ZNF827: variants seen among roughly 807,000 people sequenced by gnomAD.
ZNF827 encodes the protein zinc finger protein 827.
ZNF827 carries 13 observed loss-of-function variants against 102.4 expected under a neutral mutation model. The observed-to-expected ratio is 0.13, with a 90% CI of 0.08 to 0.20. ZNF827 has a LOEUF of 0.20. ZNF827 is among the 10% of genes least tolerant of loss of function. The pLI, the probability that ZNF827 is intolerant of heterozygous loss-of-function variation, is 1.00. For missense variants in ZNF827, 1,103 were observed against 1,344.4 expected (o/e 0.82, Z 2.81); for synonymous variants, 523 against 536.2 (o/e 0.98, Z 0.34).
At chr4:145,822,278 G>A (rs931862134) in intron 8 of ZNF827, among the ~76,000 whole-genome samples, 1 of 152,218 alleles carries the variant, frequency 6.6e-6, no homozygotes, top group Non-Finnish European at 1.5e-5. Context: ...GTGGGGAGAT[G>A]AGAAGAAATG....
intron 1 of ZNF827, among the ~76,000 whole-genome samples, chr4:145,935,832 A>T (rs1353172971): frequency 6.6e-6 from 1 of 152,138 alleles, no homozygotes; most frequent in Non-Finnish European, 1.5e-5. Flanking sequence ...TAGTCGCAGG[A>T]GGTCAGGGTC....
intron 1 of ZNF827, among the ~76,000 whole-genome samples, chr4:145,938,029 C>T (rs1754358034): frequency 6.6e-6 from 1 of 150,574 alleles, no homozygotes; most frequent in African/African-American, 2.5e-5. Context: ...CTACTCCCCT[C>T]CTCCCTTCTC....
At chr4:145,822,041 G>A (rs1474338488) in intron 8 of ZNF827, among the ~76,000 whole-genome samples, 1 of 152,088 alleles carries the variant, frequency 6.6e-6, no homozygotes, top group Non-Finnish European at 1.5e-5. Context: ...AATAATTTTG[G>A]GACCAGGGAG....
intron 11 of ZNF827, among the ~76,000 whole-genome samples, chr4:145,767,419 T>C (rs1735472592): frequency 1.3e-5 from 2 of 152,156 alleles, no homozygotes; most frequent in African/African-American, 4.8e-5. Flanking sequence ...ATAAGTTTAA[T>C]TGGAATCCCT....
intron 8 of ZNF827, among the ~76,000 whole-genome samples, chr4:145,819,355 C>T (rs558895361): frequency 6.6e-6 from 1 of 152,224 alleles, no homozygotes; most frequent in Admixed American, 6.5e-5. Flanking sequence ...CATAATAACA[C>T]AGAATGGAAG....
At position 145,761,737 on chromosome 4, in the gene ZNF827, C is replaced by G; in HGVS notation, c.*18-139G>C. 2.1e-6 allele frequency: 1 copy of G among 466,660 alleles called. No homozygotes were observed. The highest frequency in any genetic ancestry group is 3.6e-6 in the Non-Finnish European group (1 of 281,420). 28.9% of individuals were successfully genotyped at this position (466,660 alleles called of 1,614,324 possible). A position where few individuals can be genotyped will look rare whatever the true frequency, so the allele number is the denominator to read the frequency against. The stretch of plus-strand genomic sequence containing the variant: ...CCTGCCCAGCCCAGCCCAGCCCTGC[C>G]GCCTCTCAGGGGTGGAACGGCCCTT... On this transcript the variant is annotated intron_variant, in intron 14 of 14. Coordinates refer to ENST00000508784, the MANE Select transcript of ZNF827 (RefSeq NM_001306215.2). This position sits in a 1 kb window ranked among gnomAD's most constrained non-coding sequence, Gnocchi z 6.8.
At chr4:145,792,950 G>A (rs1207974908) in intron 8 of ZNF827, among the ~76,000 whole-genome samples, 2 of 151,970 alleles carry the variant, frequency 1.3e-5, no homozygotes, top group African/African-American at 2.4e-5. Flanking sequence ...TTCTAGTTAC[G>A]TGCCCTGTTA....
chr4:145,827,317 G>A (rs1560968644), intron 7 of ZNF827, among the ~76,000 whole-genome samples: 2 of 152,224 alleles, frequency 1.3e-5, no homozygotes, highest in South Asian at 4.1e-4. Context: ...AGAAGGGGGT[G>A]ATGGAGGGGA....
rs1560894792 is a variant in ZNF827 at position 145,768,913 on chromosome 4, ATAT to A, written c.2861-3178_2861-3176del. Among the ~76,000 whole-genome samples, 174 of 52,934 alleles carry A rather than the reference ATAT, an allele frequency of 3.3e-3. 38 individuals are homozygous for A. Among genetic ancestry groups the A allele is most frequent in the African/African-American group, 0.011 (168 of 15,396 alleles). The allele number at this position is 52,934 out of a possible 152,430, so 34.7% of individuals were successfully genotyped here. On this transcript the variant is annotated intron_variant, in intron 11 of 14. Transcript: ENST00000508784. The stretch of plus-strand genomic sequence containing the variant: ...AAAATATATATATATATATATATAT[ATAT>A]TAGGTATACAAAGTTTGGAAATAGA...
intron 8 of ZNF827, among the ~76,000 whole-genome samples, chr4:145,814,904 G>A (rs1742437630): frequency 2.6e-5 from 4 of 152,084 alleles, no homozygotes; most frequent in African/African-American, 9.7e-5. Flanking sequence ...TCGTGCCACT[G>A]CACTCCAGCC....
At chr4:145,918,248 G>C (rs531583056) in intron 1 of ZNF827, among the ~76,000 whole-genome samples, 3 of 149,530 alleles carry the variant, frequency 2.0e-5, no homozygotes, top group African/African-American at 7.4e-5. Flanking sequence ...TATGCTTTGC[G>C]GGGCACATAT....
chr4:145,928,549 T>C (rs957676431), intron 1 of ZNF827, among the ~76,000 whole-genome samples: 1 of 152,174 alleles, frequency 6.6e-6, no homozygotes, highest in Non-Finnish European at 1.5e-5. Flanking sequence ...CAGACACAAA[T>C]CTAAAATATC....
At chr4:145,917,221 C>G (rs181011474) in intron 1 of ZNF827, among the ~76,000 whole-genome samples, 1 of 152,328 alleles carries the variant, frequency 6.6e-6, no homozygotes, top group Admixed American at 6.5e-5. Flanking sequence ...AAGAGCCCCA[C>G]TTCTTAGTAC....
rs529093682 is a variant in ZNF827 at position 145,926,212 on chromosome 4, A to T, written c.43+12153T>A. On this transcript the variant is annotated intron_variant, in intron 1 of 14. Coordinates refer to ENST00000508784, the MANE Select transcript of ZNF827 (RefSeq NM_001306215.2). ...GAACAAATGAAGTATCGGTTATCACACACAAGCTGAGAATTTAGGATGAAT... is the reference window on the plus strand; with the variant it reads ...GAACAAATGAAGTATCGGTTATCACTCACAAGCTGAGAATTTAGGATGAAT... Among the ~76,000 whole-genome samples the T allele has an allele frequency of 7.9e-5, 12 of 152,342 alleles. No individual in the cohort carries two copies. In the East Asian group the frequency reaches 2.3e-3, roughly 29 times the overall value.
chr4:145,774,011 G>C (rs193145338), intron 11 of ZNF827, among the ~76,000 whole-genome samples: 1 of 152,320 alleles, frequency 6.6e-6, no homozygotes, highest in East Asian at 1.9e-4. Flanking sequence ...ACTGAAACTA[G>C]TGACTACTGA....
chr4:145,867,352 A>G (rs985314135), intron 5 of ZNF827, among the ~76,000 whole-genome samples: 2 of 152,240 alleles, frequency 1.3e-5, no homozygotes, highest in African/African-American at 2.4e-5. Flanking sequence ...ACAAATGTCA[A>G]TTTGGAAAAC....
At chr4:145,764,746 T>C (rs1735022716) in intron 13 of ZNF827, 6 of 548,164 alleles carry the variant, frequency 1.1e-5, no homozygotes, top group Non-Finnish European at 2.0e-5. Flanking sequence ...CGTGTCTTTT[T>C]TCTTGCCCTG....
intron 1 of ZNF827, among the ~76,000 whole-genome samples, chr4:145,912,348 G>T (rs978238428): frequency 6.6e-6 from 1 of 152,076 alleles, no homozygotes; most frequent in Non-Finnish European, 1.5e-5. Flanking sequence ...TAGTCTTTTT[G>T]AATACTTTTG....
chr4:145,885,876 C>A lies in ZNF827; in HGVS notation c.1549G>T (p.Val517Phe). Residue 517 changes from valine to phenylalanine, a missense_variant, in exon 4 of 15, where the codon GTC (valine) becomes TTC (phenylalanine). By Grantham distance (50) the Val-to-Phe change is conservative. Coordinates refer to ENST00000508784, the MANE Select transcript of ZNF827 (RefSeq NM_001306215.2). ...PERTSQGGAG[V>F]SPLLVKEEPK... ...TCCTCCTTCACCAGCAAAGGCGAGA[C>A]GCCAGCCCCTCCCTGGCTAGTCCTC... The A allele has an allele frequency of 6.2e-7, 1 of 1,614,242 alleles. No individual in the cohort carries two copies. The highest frequency in any genetic ancestry group is 8.5e-7 in the Non-Finnish European group (1 of 1,180,046).
Sources: gnomAD v4.1 joint callset for allele counts (sites outside exome capture counted in the v4.1 genomes callset) on GRCh38, gnomAD v4.1.1 for gene constraint, Gnocchi (gnomAD v3.1) non-coding constraint, MANE v1.5 for transcripts, NCBI Gene and HGNC (gene_info 2026-07-23, HGNC 2026-07-21) for gene names.